PDE4D: variants seen among roughly 807,000 people sequenced by gnomAD.
PDE4D encodes 3',5'-cyclic-AMP phosphodiesterase 4D.
Under a neutral mutation model 87.4 loss-of-function variants are expected in PDE4D, and 24 were observed. The observed-to-expected ratio is 0.27, with a 90% CI of 0.20 to 0.39. The LOEUF is 0.39. PDE4D is among the 10% of genes least tolerant of loss of function. PDE4D has a pLI of 1.00. For missense variants in PDE4D, 714 were observed against 1,041.0 expected (o/e 0.69, Z 4.32); for synonymous variants, 384 against 383.2 (o/e 1.00, Z -0.02).
At chr5:60,442,919 T>G (rs572637848) in intron 1 of PDE4D, among the ~76,000 whole-genome samples, 30 of 152,222 alleles carry the variant, frequency 2.0e-4, no homozygotes, top group Middle Eastern at 3.4e-3. Context: ...CCAGAAACAG[T>G]AGATCTGAAC....
At chr5:60,142,041 G>A (rs560917523) in intron 2 of PDE4D, among the ~76,000 whole-genome samples, 1 of 152,144 alleles carries the variant, frequency 6.6e-6, no homozygotes, top group South Asian at 2.1e-4. Flanking sequence ...TGAATTTTGG[G>A]TCCTTTCACT....
intron 5 of PDE4D, among the ~76,000 whole-genome samples, chr5:59,160,908 C>G (rs757307297): frequency 2.6e-5 from 4 of 152,088 alleles, no homozygotes; most frequent in Non-Finnish European, 2.9e-5. Flanking sequence ...CCAGCCTGAC[C>G]AACATGGTGA....
At chr5:60,246,394 G>A (rs773302055) in intron 1 of PDE4D, among the ~76,000 whole-genome samples, 81 of 151,528 alleles carry the variant, frequency 5.3e-4, no homozygotes, top group Non-Finnish European at 9.9e-4. Flanking sequence ...AAATCTTCCT[G>A]TGCTCTCCTT....
intron 1 of PDE4D, among the ~76,000 whole-genome samples, chr5:59,384,855 C>T (rs1786662422): frequency 6.6e-6 from 1 of 151,668 alleles, no homozygotes; most frequent in African/African-American, 2.4e-5. Context: ...TACTGATCTC[C>T]AGTTCCCTTT....
intron 1 of PDE4D, among the ~76,000 whole-genome samples, chr5:59,666,152 G>A (rs1032173588): frequency 1.3e-5 from 2 of 152,074 alleles, no homozygotes; most frequent in African/African-American, 4.8e-5. Flanking sequence ...GTAGAGATGG[G>A]GTTTCGCCAT....
intron 1 of PDE4D, among the ~76,000 whole-genome samples, chr5:60,357,388 T>TAA (rs144985926): frequency 3.3e-5 from 5 of 150,574 alleles, no homozygotes; most frequent in Middle Eastern, 3.4e-3. Context: ...GTTGTCTTTG[T>TAA]AAAAAAAAAA....
chr5:59,851,502 G>T (rs546598129), intron 1 of PDE4D, among the ~76,000 whole-genome samples: 4 of 151,924 alleles, frequency 2.6e-5, no homozygotes, highest in African/African-American at 7.2e-5. Context: ...TTCAGGCCTT[G>T]TGTAATTTCC....
intron 1 of PDE4D, among the ~76,000 whole-genome samples, chr5:59,287,772 G>A (rs1767273303): frequency 6.6e-6 from 1 of 152,024 alleles, no homozygotes; most frequent in South Asian, 2.1e-4. Context: ...GACTGAATCT[G>A]TTTGTTTGGG....
At chr5:59,559,857 C>A (rs1030666497) in intron 1 of PDE4D, among the ~76,000 whole-genome samples, 1 of 152,154 alleles carries the variant, frequency 6.6e-6, no homozygotes, top group Non-Finnish European at 1.5e-5. Context: ...AGTACGTTCA[C>A]AAAATTTCCA....
At chr5:59,108,610 T>C (rs1266778482) in intron 5 of PDE4D, among the ~76,000 whole-genome samples, 1 of 152,096 alleles carries the variant, frequency 6.6e-6, no homozygotes, top group East Asian at 1.9e-4. Context: ...TTAAAAAATA[T>C]TGGCCAGGTG....
intron 1 of PDE4D, among the ~76,000 whole-genome samples, chr5:59,746,970 C>A (rs998299419): frequency 6.6e-6 from 1 of 151,842 alleles, no homozygotes; most frequent in Non-Finnish European, 1.5e-5. Flanking sequence ...ACCTAAAGGT[C>A]TCTCCTCTCA....
At chr5:59,722,510 C>T (rs900231182) in intron 1 of PDE4D, among the ~76,000 whole-genome samples, 65 of 152,224 alleles carry the variant, frequency 4.3e-4, no homozygotes, top group African/African-American at 1.4e-3. Context: ...CCAACTTCTG[C>T]CATTTCTTTA....
At chr5:60,294,824 A>T (rs183246511) in intron 1 of PDE4D, among the ~76,000 whole-genome samples, 161 of 152,178 alleles carry the variant, frequency 1.1e-3, no homozygotes, top group Non-Finnish European at 1.2e-3. Context: ...GTTTTTCAAG[A>T]TTATTCTGAC....
intron 1 of PDE4D, among the ~76,000 whole-genome samples, chr5:59,784,811 T>G (rs913418204): frequency 1.3e-5 from 2 of 152,136 alleles, no homozygotes; most frequent in African/African-American, 4.8e-5. Flanking sequence ...GGGAGATAAT[T>G]GAATCATGGG....
chr5:59,914,107 T>C (rs1180822634), intron 3 of PDE4D, among the ~76,000 whole-genome samples: 1 of 152,176 alleles, frequency 6.6e-6, no homozygotes, highest in Admixed American at 6.6e-5. Context: ...TTAAATGATA[T>C]ATTTCATATA....
chr5:60,142,857 A>G (rs1780657908), intron 2 of PDE4D, among the ~76,000 whole-genome samples: 1 of 152,230 alleles, frequency 6.6e-6, no homozygotes, highest in Admixed American at 6.5e-5. Context: ...CCAAGGCAGG[A>G]GGTAACAGGG....
chr5:60,398,981 A>T (rs1004401283), intron 1 of PDE4D, among the ~76,000 whole-genome samples: 1 of 152,198 alleles, frequency 6.6e-6, no homozygotes, highest in Admixed American at 6.5e-5. Flanking sequence ...GCAATGAGGC[A>T]TACATCCCAA....
chr5:60,104,023 C>T (rs979779819), intron 2 of PDE4D, among the ~76,000 whole-genome samples: 1 of 152,072 alleles, frequency 6.6e-6, no homozygotes, highest in Non-Finnish European at 1.5e-5. Context: ...ACAGTGGGTG[C>T]AGCACACTGT....
intron 5 of PDE4D, among the ~76,000 whole-genome samples, chr5:59,081,361 T>A (rs937684963): frequency 6.6e-6 from 1 of 152,058 alleles, no homozygotes; most frequent in Non-Finnish European, 1.5e-5. Context: ...AATAACTTCC[T>A]GTTGTTCAGT....
Sources: allele counts gnomAD v4.1 joint callset (sites outside exome capture counted in the v4.1 genomes callset), GRCh38; gene constraint gnomAD v4.1.1; transcripts MANE v1.5; gene names NCBI Gene and HGNC (gene_info 2026-07-23, HGNC 2026-07-21).